KAZN: variants seen among roughly 807,000 people sequenced by gnomAD.
KAZN encodes kazrin.
In KAZN, 40 loss-of-function variants were observed where a neutral mutation model predicts 87.4. The observed-to-expected ratio is 0.46, with a 90% CI of 0.36 to 0.60. The LOEUF is 0.60. Among genes scored for constraint, KAZN ranks in the 20% least tolerant of loss-of-function variants. The pLI is 0.00. For missense variants in KAZN, 898 were observed against 1,073.9 expected (o/e 0.84, Z 2.29); for synonymous variants, 466 against 458.3 (o/e 1.02, Z -0.22).
chr1:15,049,129 T>C (rs186931756), intron 4 of KAZN, among the ~76,000 whole-genome samples: 1 of 152,314 alleles, frequency 6.6e-6, no homozygotes, highest in East Asian at 1.9e-4. Context: ...AGTCCAGCCA[T>C]GGCCTGAAGG....
In KAZN at chr1:14,756,165, C is replaced by G. The variant is rs145133210; in HGVS notation, c.226+156942C>G. Among the ~76,000 whole-genome samples the G allele has an allele frequency of 2.6e-4, 40 of 152,248 alleles. No individual in the cohort carries two copies. The East Asian group carries it at 7.3e-3, about 28-fold the overall frequency. On this transcript the variant is annotated intron_variant, in intron 1 of 14. Transcript: ENST00000376030. Reference sequence around the variant, plus strand: ...GGCTCAGTGATAGAAACCAGCTGGCCCAGGTATTTCTGACACCAGAGCCAT... The same window carrying G: ...GGCTCAGTGATAGAAACCAGCTGGCGCAGGTATTTCTGACACCAGAGCCAT...
At chr1:14,638,285 G>A (rs994849843) in intron 1 of KAZN, among the ~76,000 whole-genome samples, 4 of 152,126 alleles carry the variant, frequency 2.6e-5, no homozygotes, top group African/African-American at 9.7e-5. Context: ...AATAACTGGG[G>A]TGGTGGGGCG....
intron 1 of KAZN, among the ~76,000 whole-genome samples, chr1:14,635,987 C>T (rs1017271769): frequency 6.6e-5 from 10 of 152,202 alleles, no homozygotes; most frequent in African/African-American, 2.2e-4. Flanking sequence ...TGGAAAATCA[C>T]GGCTGTTGAG....
At chr1:14,630,622 A>G (rs929054490) in intron 1 of KAZN, among the ~76,000 whole-genome samples, 8 of 152,242 alleles carry the variant, frequency 5.3e-5, no homozygotes, top group African/African-American at 1.9e-4. Context: ...GACTGGGGCC[A>G]TGCTTTGTAA....
intron 2 of KAZN, among the ~76,000 whole-genome samples, chr1:14,965,547 C>T (rs933634564): frequency 2.0e-5 from 3 of 152,234 alleles, no homozygotes; most frequent in African/African-American, 7.2e-5. Context: ...CGTGTTCCCA[C>T]AACAATAAAT....
At chr1:14,336,007 G>A (rs558067307) in intron 2 of KAZN, among the ~76,000 whole-genome samples, 102 of 152,180 alleles carry the variant, frequency 6.7e-4, no homozygotes, top group African/African-American at 2.3e-3. Flanking sequence ...CCTCACCACG[G>A]AAGTAGCAGC....
At chr1:14,206,000 ACCC>A (rs1646736485) in intron 2 of KAZN, among the ~76,000 whole-genome samples, 4 of 151,490 alleles carry the variant, frequency 2.6e-5, no homozygotes, top group Non-Finnish European at 5.9e-5. Context: ...GTGCACATGT[ACCC>A]TAAAACTTAA....
chr1:14,943,674 C>T (rs978541227), intron 1 of KAZN, among the ~76,000 whole-genome samples: 1 of 152,260 alleles, frequency 6.6e-6, no homozygotes, highest in African/African-American at 2.4e-5. Context: ...GTGACCTGCT[C>T]AAGATCACTT....
intron 2 of KAZN, among the ~76,000 whole-genome samples, chr1:14,503,364 G>A (rs1169591212): frequency 1.3e-5 from 2 of 150,880 alleles, no homozygotes; most frequent in African/African-American, 4.9e-5. Context: ...GGTGCCTGTG[G>A]TCCCAGCTAC....
chr1:14,439,169 G>A (rs1666562418), intron 2 of KAZN, among the ~76,000 whole-genome samples: 1 of 152,148 alleles, frequency 6.6e-6, no homozygotes, highest in African/African-American at 2.4e-5. Flanking sequence ...TGCTCACAGT[G>A]TCTTCTTCTC....
At chr1:14,550,269 T>A (rs1008094061) in intron 2 of KAZN, among the ~76,000 whole-genome samples, 4 of 152,022 alleles carry the variant, frequency 2.6e-5, no homozygotes, top group Non-Finnish European at 5.9e-5. Context: ...ACAAACAAGA[T>A]TTCAGAGAGG....
At chr1:14,147,131 A>C (rs1294091186) in intron 1 of KAZN, among the ~76,000 whole-genome samples, 1 of 152,240 alleles carries the variant, frequency 6.6e-6, no homozygotes, top group Non-Finnish European at 1.5e-5. Flanking sequence ...TACAATGCAC[A>C]ATATACATAA....
At chr1:14,294,683 C>T (rs1653981740) in intron 2 of KAZN, among the ~76,000 whole-genome samples, 1 of 143,418 alleles carries the variant, frequency 7.0e-6, no homozygotes, top group Non-Finnish European at 1.5e-5. Flanking sequence ...AGGGAAACTG[C>T]CCAGGCTCAG....
At chr1:14,190,855 G>T (rs1462055106) in intron 2 of KAZN, among the ~76,000 whole-genome samples, 3 of 152,090 alleles carry the variant, frequency 2.0e-5, no homozygotes, top group African/African-American at 7.2e-5. Context: ...CCACTAATCT[G>T]CACACTTATA....
chr1:14,799,495 T>C (rs1166536323), intron 1 of KAZN, among the ~76,000 whole-genome samples: 1 of 152,224 alleles, frequency 6.6e-6, no homozygotes, highest in Non-Finnish European at 1.5e-5. Context: ...GGACCGACAG[T>C]AAATGAATGG....
intron 1 of KAZN, among the ~76,000 whole-genome samples, chr1:13,907,774 C>T (rs1400352184): frequency 6.6e-6 from 1 of 152,092 alleles, no homozygotes; most frequent in Non-Finnish European, 1.5e-5. Flanking sequence ...CATGAAAGCT[C>T]AGTCTCCCCA....
At chr1:14,470,628 G>GT (rs1373332836) in intron 2 of KAZN, among the ~76,000 whole-genome samples, 1 of 152,176 alleles carries the variant, frequency 6.6e-6, no homozygotes, top group Non-Finnish European at 1.5e-5. Flanking sequence ...GAAAGCCTGC[G>GT]TAAGTGAGCA....
intron 8 of KAZN, among the ~76,000 whole-genome samples, chr1:15,080,429 G>T (rs973487163): frequency 6.6e-6 from 1 of 151,984 alleles, no homozygotes; most frequent in Non-Finnish European, 1.5e-5. Context: ...CTGCCACCTC[G>T]CTGCCCACCA....
At chr1:13,968,327 G>A (rs1642016438) in intron 1 of KAZN, among the ~76,000 whole-genome samples, 1 of 152,120 alleles carries the variant, frequency 6.6e-6, no homozygotes, top group South Asian at 2.1e-4. Context: ...CTGATGTGGG[G>A]GACAGACCTC....
Sources: allele counts gnomAD v4.1 joint callset (sites outside exome capture counted in the v4.1 genomes callset), GRCh38; gene constraint gnomAD v4.1.1; transcripts MANE v1.5; gene names NCBI Gene and HGNC (gene_info 2026-07-23, HGNC 2026-07-21).